The following PHYHD1 variants were observed in gnomAD, a reference collection of about 807,000 sequenced individuals.
The protein encoded by PHYHD1 is phytanoyl-CoA dioxygenase domain-containing protein 1.
PHYHD1 carries 42 observed loss-of-function variants against 43.6 expected under a neutral mutation model. The ratio of observed to expected loss-of-function variants is 0.96; its 90% confidence interval spans 0.75 to 1.25. The LOEUF (loss-of-function observed/expected upper bound fraction) is 1.25, where lower values mean the gene tolerates loss of function less well. PHYHD1 is among the 50% of genes most tolerant of loss of function. The pLI, the probability that PHYHD1 is intolerant of heterozygous loss-of-function variation, is 0.00. For synonymous variants in PHYHD1, 139 were observed against 143.6 expected (o/e 0.97, Z 0.23); for missense variants, 342 against 370.8 (o/e 0.92, Z 0.64).
Position 128,941,521 on chromosome 9 carries a change from C to T in PHYHD1, c.780C>T (p.Tyr260=), listed in dbSNP as rs2131122306. The T allele has an allele frequency of 1.2e-6, 2 of 1,614,160 alleles. No homozygotes were observed. The change falls in exon 12 of 13, where the codon TAC becomes TAT. Residue 260 remains tyrosine (Y), a synonymous_variant. Transcript: ENST00000372592. Reference sequence around the variant, plus strand: ...TCTCTGACCGCTCGCGCCAGGCCTACACTTTCCACCTCATGGAGGCCTCTG... The same window carrying T: ...TCTCTGACCGCTCGCGCCAGGCCTATACTTTCCACCTCATGGAGGCCTCTG... ...QNLSDRSRQA[Y]TFHLMEASGT...
intron 3 of PHYHD1, among the ~76,000 whole-genome samples, chr9:128,923,845 C>T (rs1380839946): frequency 3.3e-5 from 5 of 152,270 alleles, no homozygotes; most frequent in South Asian, 4.1e-4. Context: ...TGGCCAGGCG[C>T]GGTGGCTCAC....
At chr9:128,927,347 G>C (rs1236286303) in intron 4 of PHYHD1, 151 bp downstream of exon 4, 1 of 851,224 alleles carries the variant, frequency 1.2e-6, no homozygotes, top group African/African-American at 1.7e-5. Context: ...TCACTGGGAA[G>C]TTATCAAGTA....
intron 3 of PHYHD1, chr9:128,926,829 C>A: frequency 1.5e-6 from 1 of 683,370 alleles, no homozygotes; most frequent in Non-Finnish European, 2.7e-6. Flanking sequence ...GAGGCATGAG[C>A]CACTGCACCC....
intron 3 of PHYHD1, among the ~76,000 whole-genome samples, chr9:128,925,094 GC>G (rs1299992159): frequency 6.6e-6 from 1 of 152,190 alleles, no homozygotes; most frequent in African/African-American, 2.4e-5. Flanking sequence ...GAGCTGAGGG[GC>G]CCATGGTGGG....
Position 128,941,876 on chromosome 9 carries a change from C to G in PHYHD1, c.*163C>G. 1 of 882,104 alleles carries G rather than the reference C, an allele frequency of 1.1e-6. No homozygotes were observed. Among genetic ancestry groups the G allele is most frequent in the Non-Finnish European group, 1.7e-6 (1 of 580,718 alleles). The allele number at this position is 882,104 out of a possible 1,614,324, so 54.6% of individuals were successfully genotyped here. The stretch of plus-strand genomic sequence containing the variant: ...GCAGCCTAGGCTGGGTCAGGGGCTT[C>G]CCTAAGATCTTCACCTCTCTGCCTC... On this transcript the variant is annotated 3_prime_UTR_variant, in exon 13 of 13. Coordinates refer to ENST00000372592, the MANE Select transcript of PHYHD1 (RefSeq NM_001100876.2).
At chr9:128,923,368 G>A (rs971280611) in intron 3 of PHYHD1, among the ~76,000 whole-genome samples, 4 of 152,184 alleles carry the variant, frequency 2.6e-5, no homozygotes, top group Non-Finnish European at 5.9e-5. Context: ...ATGAGCCACC[G>A]CGCCCAGCCT....
chr9:128,939,511 G>A lies in PHYHD1; in HGVS notation c.458-858G>A, dbSNP rs112615054. On this transcript the variant is annotated intron_variant, in intron 9 of 12. Coordinates refer to ENST00000372592, the MANE Select transcript of PHYHD1 (RefSeq NM_001100876.2). ...GGAGAATCACTTGAATCCGGGAGGC[G>A]GAGGTTGCAGTGAGCCAAGATCGTG... Among the ~76,000 whole-genome samples the A allele has an allele frequency of 1.9e-4, 23 of 118,998 alleles. 4 individuals are homozygous for A. The East Asian group carries it at 2.5e-3, about 13-fold the overall frequency. The allele number at this position is 118,998 out of a possible 152,430, so 78.1% of individuals were successfully genotyped here.
rs758577587 is a variant in PHYHD1, at chr9:128,941,695, T to G, written c.858T>G (p.Phe286Leu). The change falls in exon 13 of 13, where the codon TTT becomes TTG. Residue 286 changes from phenylalanine (F) to leucine (L), a missense_variant. By Grantham distance (22) the Phe-to-Leu change is conservative. Transcript: ENST00000372592. ...NWLQPTAELP[F>L]PQLYT ...TCCAGCCAACAGCTGAACTGCCCTT[T>G]CCCCAACTGTACACCTAAAGGCTCT... The G allele has an allele frequency of 1.2e-6, 2 of 1,614,140 alleles. No homozygotes were observed. Among genetic ancestry groups the G allele is most frequent in the East Asian group, 4.5e-5 (2 of 44,876 alleles).
chr9:128,941,864 G>C lies in PHYHD1; in HGVS notation c.*151G>C. On this transcript the variant is annotated 3_prime_UTR_variant, in exon 13 of 13. Transcript: ENST00000372592. The stretch of plus-strand genomic sequence containing the variant: ...GCCCTGTGGGCAGCAGCCTAGGCTG[G>C]GTCAGGGGCTTCCCTAAGATCTTCA... The C allele has an allele frequency of 9.8e-7, 1 of 1,021,580 alleles. No homozygotes were observed. The highest frequency in any genetic ancestry group is 1.6e-5 in the African/African-American group (1 of 62,176). The allele number at this position is 1,021,580 out of a possible 1,614,324, so 63.3% of individuals were successfully genotyped here.
At position 128,940,592 on chromosome 9, in the gene PHYHD1, C is replaced by T; in HGVS notation, c.587-7C>T. The T allele has an allele frequency of 6.2e-7, 1 of 1,614,074 alleles. No homozygotes were observed. ...AGGAGTTTAAGGCTCTCCATCTTGG[C>T]CTGCAGGTGGTGTGTCAAGAAGGAT... On this transcript the variant is annotated splice_region_variant and splice_polypyrimidine_tract_variant and intron_variant, in intron 10 of 12. Transcript: ENST00000372592.
At chr9:128,931,705 G>C (rs1162069543) in intron 4 of PHYHD1, among the ~76,000 whole-genome samples, 1 of 151,008 alleles carries the variant, frequency 6.6e-6, no homozygotes, top group Non-Finnish European at 1.5e-5. Context: ...TTTGTATTTT[G>C]TTTAGTAGAG....
intron 3 of PHYHD1, among the ~76,000 whole-genome samples, chr9:128,924,917 A>C (rs1841096798): frequency 6.6e-6 from 1 of 152,198 alleles, no homozygotes; most frequent in Non-Finnish European, 1.5e-5. Context: ...CCTGGGCAAC[A>C]AGAGTGAGAC....
At chr9:128,939,765 C>G (rs1387099894) in intron 9 of PHYHD1, among the ~76,000 whole-genome samples, 1 of 119,222 alleles carries the variant, frequency 8.4e-6, no homozygotes, top group Non-Finnish European at 1.9e-5. Flanking sequence ...AGCAATTCTT[C>G]TGTCTCAGCC....
intron 9 of PHYHD1, chr9:128,938,056 C>A: frequency 1.9e-6 from 2 of 1,077,964 alleles, no homozygotes; most frequent in Non-Finnish European, 2.5e-6. Context: ...CCTGTAATCC[C>A]AGCAATTTGG....
At position 128,929,672 on chromosome 9, in the gene PHYHD1, C is replaced by CA. The variant is rs908135020; in HGVS notation, c.192+2489dup. On this transcript the variant is annotated intron_variant, in intron 4 of 12. Transcript: ENST00000372592. ...TGGGTGACAGAGCGAGATTCTATCT[C>CA]AAAAAAAAAAAAATTCATTTCAGTT... Among the ~76,000 whole-genome samples the CA allele has an allele frequency of 2.2e-3, 305 of 140,842 alleles. 2 individuals carry two copies. The highest frequency in any genetic ancestry group is 7.8e-3 in the Middle Eastern group (2 of 256). 92.4% of individuals were successfully genotyped at this position (140,842 alleles called of 152,430 possible). A position where few individuals can be genotyped will look rare whatever the true frequency, so the allele number is the denominator to read the frequency against.
chr9:128,931,846 C>CT (rs200511638), intron 4 of PHYHD1, among the ~76,000 whole-genome samples: 35 of 149,642 alleles, frequency 2.3e-4, no homozygotes, highest in Non-Finnish European at 3.8e-4. Flanking sequence ...TTCTTTCTTT[C>CT]TTTTTGAGAT....
At chr9:128,923,894 G>A (rs1435871466) in intron 3 of PHYHD1, among the ~76,000 whole-genome samples, 3 of 152,174 alleles carry the variant, frequency 2.0e-5, no homozygotes, top group African/African-American at 7.2e-5. Flanking sequence ...AAGGCAGGCG[G>A]ATCACCTGAG....
chr9:128,938,130 A>T (rs1050353380), intron 9 of PHYHD1, among the ~76,000 whole-genome samples: 2 of 152,104 alleles, frequency 1.3e-5, no homozygotes, highest in Non-Finnish European at 1.5e-5. Flanking sequence ...AACATGCTGA[A>T]GCCCCATCTC....
chr9:128,931,162 A>C (rs1239795884), intron 4 of PHYHD1, among the ~76,000 whole-genome samples: 1 of 152,002 alleles, frequency 6.6e-6, no homozygotes, highest in East Asian at 1.9e-4. Flanking sequence ...TGCAGGCTGG[A>C]GTGCAGTGGC....
Sources: gnomAD v4.1 joint callset for allele counts (sites outside exome capture counted in the v4.1 genomes callset) on GRCh38, gnomAD v4.1.1 for gene constraint, MANE v1.5 for transcripts, NCBI Gene and HGNC (gene_info 2026-07-23, HGNC 2026-07-21) for gene names.